CACNG4: variants seen among roughly 807,000 people sequenced by gnomAD.
The protein encoded by CACNG4 is calcium voltage-gated channel auxiliary subunit gamma 4, also known as voltage-dependent calcium channel gamma-4 subunit.
Under a neutral mutation model 22.9 loss-of-function variants are expected in CACNG4, and 8 were observed. The observed-to-expected ratio is 0.35, with a 90% confidence interval of 0.21 to 0.63. The LOEUF (loss-of-function observed/expected upper bound fraction) is 0.63. CACNG4 is among the 30% of genes least tolerant of loss of function. The pLI is 0.72. For missense variants in CACNG4, 357 were observed against 455.4 expected (o/e 0.78, Z 1.97); for synonymous variants, 188 against 191.9 (o/e 0.98, Z 0.17).
chr17:67,025,255 CAA>C (rs1383132406), intron 3 of CACNG4, among the ~76,000 whole-genome samples: 1 of 152,222 alleles, frequency 6.6e-6, no homozygotes, highest in Non-Finnish European at 1.5e-5. Flanking sequence ...TTGAATGCGC[CAA>C]AAGCCACTGG....
At chr17:67,015,263 C>G (rs1443865347) in intron 1 of CACNG4, among the ~76,000 whole-genome samples, 1 of 152,200 alleles carries the variant, frequency 6.6e-6, no homozygotes, top group African/African-American at 2.4e-5. Context: ...TGAGTGAGAA[C>G]AGCCGGTCCC....
intron 1 of CACNG4, among the ~76,000 whole-genome samples, chr17:67,017,976 G>T (rs1271493461): frequency 2.6e-5 from 4 of 152,072 alleles, no homozygotes; most frequent in Admixed American, 6.5e-5. Context: ...CCATAACTAG[G>T]GTCACCTTTG....
chr17:66,969,423 C>T (rs1487195299), intron 1 of CACNG4, among the ~76,000 whole-genome samples: 1 of 152,252 alleles, frequency 6.6e-6, no homozygotes, highest in Non-Finnish European at 1.5e-5. Context: ...GACTTGATGC[C>T]AGGGGTGGCC....
At chr17:66,991,606 G>C (rs564735771) in intron 1 of CACNG4, among the ~76,000 whole-genome samples, 1 of 152,118 alleles carries the variant, frequency 6.6e-6, no homozygotes, top group Non-Finnish European at 1.5e-5. Context: ...GTAAGGATAC[G>C]GGCCTGCGAG....
chr17:67,000,940 T>A (rs929788677), intron 1 of CACNG4, among the ~76,000 whole-genome samples: 1 of 152,086 alleles, frequency 6.6e-6, no homozygotes, highest in African/African-American at 2.4e-5. Flanking sequence ...TATCAGATGG[T>A]TAGCTTCACA....
At chr17:66,991,108 C>T (rs995394348) in intron 1 of CACNG4, among the ~76,000 whole-genome samples, 2 of 152,114 alleles carry the variant, frequency 1.3e-5, no homozygotes, top group East Asian at 3.9e-4. Flanking sequence ...CCCTCCCTCC[C>T]TTTTGCAAGC....
chr17:67,002,384 C>T (rs138908541), intron 1 of CACNG4, among the ~76,000 whole-genome samples: 6,542 of 152,162 alleles, frequency 0.043, 443 homozygotes, highest in African/African-American at 0.15. Context: ...ATGAGATTTG[C>T]GTGGGGACAT....
chr17:66,974,879 G>A (rs886679973), intron 1 of CACNG4, among the ~76,000 whole-genome samples: 4 of 152,208 alleles, frequency 2.6e-5, no homozygotes, highest in South Asian at 4.2e-4. Context: ...GGAAGCCGCC[G>A]CATCAGATGG....
At chr17:66,980,453 G>A (rs963519390) in intron 1 of CACNG4, among the ~76,000 whole-genome samples, 3 of 152,074 alleles carry the variant, frequency 2.0e-5, no homozygotes, top group African/African-American at 7.2e-5. Flanking sequence ...ATGTGACTCC[G>A]ATGAGGTTTG....
At chr17:66,969,594 C>T (rs950870990) in intron 1 of CACNG4, among the ~76,000 whole-genome samples, 1 of 152,166 alleles carries the variant, frequency 6.6e-6, no homozygotes, top group East Asian at 1.9e-4. Flanking sequence ...TTTCTTCCCA[C>T]CATGGCACAC....
At chr17:67,014,705 G>A (rs1328820524) in intron 1 of CACNG4, among the ~76,000 whole-genome samples, 8 of 152,130 alleles carry the variant, frequency 5.3e-5, no homozygotes, top group Non-Finnish European at 1.0e-4. Flanking sequence ...GGGAGGCCAC[G>A]GTGGGTGGAT....
Position 67,031,125 on chromosome 17 carries a change from G to C in CACNG4, c.*121G>C, listed in dbSNP as rs573716868. The C allele has an allele frequency of 6.0e-5, 67 of 1,121,754 alleles. No individual in the cohort carries two copies. Among genetic ancestry groups the C allele is most frequent in the Non-Finnish European group, 8.0e-5 (63 of 788,186 alleles). The allele number at this position is 1,121,754 out of a possible 1,614,324, so 69.5% of individuals were successfully genotyped here. On this transcript the variant is annotated 3_prime_UTR_variant, in exon 4 of 4. Coordinates refer to ENST00000262138, the MANE Select transcript of CACNG4 (RefSeq NM_014405.4). The surrounding 1 kb of genome is among the most constrained non-coding windows in gnomAD (Gnocchi z 4.0). ...CTAAAGCCAAATGCAGCCCTCCCTG[G>C]CCTCCAGAGGTGGCGTGGGCTGGCT... is the stretch of plus-strand genomic sequence containing the variant.
intron 1 of CACNG4, among the ~76,000 whole-genome samples, chr17:66,972,885 C>T (rs9916833): frequency 0.3 from 45,593 of 151,840 alleles, 9,307 homozygotes; most frequent in African/African-American, 0.58. Context: ...GAGATCCCAC[C>T]ACCGCACTCC....
intron 1 of CACNG4, among the ~76,000 whole-genome samples, chr17:67,009,261 C>G (rs993007160): frequency 1.3e-5 from 2 of 152,146 alleles, no homozygotes; most frequent in African/African-American, 4.8e-5. Context: ...ATGGAACCCC[C>G]CAGTGTATGA....
At chr17:66,994,801 T>C (rs934115756) in intron 1 of CACNG4, among the ~76,000 whole-genome samples, 1 of 152,040 alleles carries the variant, frequency 6.6e-6, no homozygotes, top group Non-Finnish European at 1.5e-5. Flanking sequence ...CAGCGCCTCC[T>C]CCATACGTTC....
intron 1 of CACNG4, among the ~76,000 whole-genome samples, chr17:66,989,113 AG>A (rs2035323332): frequency 6.6e-6 from 1 of 150,548 alleles, no homozygotes; most frequent in Non-Finnish European, 1.5e-5. Context: ...GAGAAACAGA[AG>A]CTGCTAAGAG....
At chr17:66,997,855 G>T (rs149426631) in intron 1 of CACNG4, among the ~76,000 whole-genome samples, 1 of 152,164 alleles carries the variant, frequency 6.6e-6, no homozygotes, top group East Asian at 1.9e-4. Flanking sequence ...CCACACCTGT[G>T]CAGAGGTCAC....
At chr17:66,995,906 A>G (rs549479333) in intron 1 of CACNG4, among the ~76,000 whole-genome samples, 5 of 152,212 alleles carry the variant, frequency 3.3e-5, no homozygotes, top group East Asian at 1.9e-4. Context: ...CCTTATTGCC[A>G]TCAGTTCAAC....
At chr17:66,965,564 GA>G (rs1302948843) in intron 1 of CACNG4, among the ~76,000 whole-genome samples, 6 of 149,076 alleles carry the variant, frequency 4.0e-5, no homozygotes, top group Non-Finnish European at 9.0e-5. Context: ...GAGCGGACGG[GA>G]GGGGGGGAGG....
Sources: allele counts gnomAD v4.1 joint callset (sites outside exome capture counted in the v4.1 genomes callset), GRCh38; gene constraint gnomAD v4.1.1; non-coding constraint Gnocchi (gnomAD v3.1); transcripts MANE v1.5; gene names NCBI Gene and HGNC (gene_info 2026-07-23, HGNC 2026-07-21).